MBNL3: variants seen among roughly 807,000 people sequenced by gnomAD.
MBNL3 encodes muscleblind-like protein 3.
In MBNL3, 6 loss-of-function variants were observed where a neutral mutation model predicts 24.5. The ratio of observed to expected loss-of-function variants is 0.25; its 90% CI spans 0.13 to 0.48. The LOEUF (loss-of-function observed/expected upper bound fraction) is 0.48, where lower values mean the gene tolerates loss of function less well. Ranked by LOEUF, MBNL3 falls within the 20% of genes least tolerant of loss-of-function variation. The pLI, the probability that MBNL3 is intolerant of heterozygous loss-of-function variation, is 0.99. For synonymous variants in MBNL3, 100 were observed against 101.7 expected, an observed-to-expected ratio of 0.98 and a Z score of 0.10; for missense variants, 230 against 293.5, an observed-to-expected ratio of 0.78 and a Z score of 1.58.
chrX:132,410,599 T>A (rs1157102619), intron 2 of MBNL3, among the ~76,000 whole-genome samples: 1 of 112,657 alleles, frequency 8.9e-6, no homozygotes, highest in Non-Finnish European at 1.9e-5. Context: ...AGTTAAATGT[T>A]AAATCAAGGC....
intron 3 of MBNL3, among the ~76,000 whole-genome samples, chrX:132,396,488 C>CCTATATATATTCATATATATTCA (rs1938552326): frequency 1.8e-5 from 1 of 56,642 alleles, no homozygotes; most frequent in Non-Finnish European, 3.0e-5. Flanking sequence ...ATATATATTC[C>CCTATATATATTCATATATATTCA]TATATATATT....
chrX:132,434,843 A>C (rs1366104417), intron 2 of MBNL3, among the ~76,000 whole-genome samples: 1 of 111,619 alleles, frequency 9.0e-6, no homozygotes, highest in African/African-American at 3.3e-5. Flanking sequence ...ACAGAAAAAT[A>C]ACATTAGGAA....
chrX:132,434,212 C>T (rs931769287), intron 2 of MBNL3, among the ~76,000 whole-genome samples: 2 of 112,187 alleles, frequency 1.8e-5, no homozygotes, highest in African/African-American at 6.5e-5. Context: ...ACACACATAT[C>T]ACATCACTTC....
rs181923191 is a variant in MBNL3 at position 132,466,399 on chromosome X, G to A, written c.-704+22452C>T. 8.3e-3 allele frequency among the ~76,000 whole-genome samples: 931 copies of A among 111,963 alleles called. 10 individuals carry two copies. The highest frequency in any genetic ancestry group is 0.012 in the Non-Finnish European group (657 of 53,180). On this transcript the variant is annotated intron_variant, in intron 1 of 8. Coordinates refer to ENST00000370853, the MANE Select transcript of MBNL3 (RefSeq NM_001386889.1). The stretch of plus-strand genomic sequence containing the variant: ...TATTTATTGGCCATGACTTCACTAT[G>A]CCTCTGCCTCTATTAATTCCCCCAC...
chrX:132,406,273 G>A lies in MBNL3; in HGVS notation c.297C>T (p.Ala99=), dbSNP rs1439716899. Residue 99 remains alanine, a synonymous_variant, in exon 3 of 9, where the codon GCC becomes GCT. Coordinates refer to ENST00000370853, the MANE Select transcript of MBNL3 (RefSeq NM_001386889.1). ...TTTGGAGCATAAGCTGCATCTGCTG[G>A]GCGAACATGGCTGCGGCAGTCTTCT... is the stretch of plus-strand genomic sequence containing the variant. ...IQQKTAAAMF[A]QQMQLMLQNA... The A allele has an allele frequency of 3.3e-6, 4 of 1,209,848 alleles. No homozygotes were observed. The highest frequency in any genetic ancestry group is 4.5e-6 in the Non-Finnish European group (4 of 895,133).
intron 1 of MBNL3, among the ~76,000 whole-genome samples, chrX:132,470,255 T>C (rs1180905267): frequency 1.8e-5 from 2 of 111,918 alleles, no homozygotes; most frequent in East Asian, 5.6e-4. Context: ...GAAAAATGTC[T>C]AATTCACTTA....
chrX:132,479,234 G>C (rs1001423480), intron 1 of MBNL3, among the ~76,000 whole-genome samples: 2 of 112,115 alleles, frequency 1.8e-5, no homozygotes, highest in Non-Finnish European at 3.8e-5. Flanking sequence ...GGGCGAAAGA[G>C]TGAGACTTCA....
intron 1 of MBNL3, among the ~76,000 whole-genome samples, chrX:132,470,580 C>G (rs1947127629): frequency 9.0e-6 from 1 of 111,728 alleles, no homozygotes; most frequent in African/African-American, 3.2e-5. Context: ...ACTAGCTCTG[C>G]TAAATAATAG....
intron 1 of MBNL3, among the ~76,000 whole-genome samples, chrX:132,444,935 T>G (rs1316522946): frequency 9.0e-6 from 1 of 111,698 alleles, no homozygotes; most frequent in African/African-American, 3.2e-5. Context: ...GCAAGGCCAC[T>G]GCCATCAGCT....
chrX:132,407,999 G>C (rs1198082834), intron 2 of MBNL3, among the ~76,000 whole-genome samples: 1 of 105,302 alleles, frequency 9.5e-6, no homozygotes, highest in Non-Finnish European at 1.9e-5. Flanking sequence ...TTTCCCTGGA[G>C]AGACTAAGTT....
intron 1 of MBNL3, among the ~76,000 whole-genome samples, chrX:132,471,019 G>C (rs1346847725): frequency 9.0e-6 from 1 of 110,960 alleles, no homozygotes; most frequent in Non-Finnish European, 1.9e-5. Context: ...TCCTCTCTCT[G>C]AGCCCCATGT....
At chrX:132,433,015 A>C (rs753694454) in intron 2 of MBNL3, among the ~76,000 whole-genome samples, 1 of 112,181 alleles carries the variant, frequency 8.9e-6, no homozygotes, top group South Asian at 3.7e-4. Flanking sequence ...TATACGTATC[A>C]GTAGAATCAA....
At chrX:132,392,003 T>C in intron 4 of MBNL3, 140 bp downstream of exon 4, 1 of 450,568 alleles carries the variant, frequency 2.2e-6, no homozygotes, top group Non-Finnish European at 3.7e-6. Flanking sequence ...ATGATTGCAG[T>C]ACTAAAATGT....
intron 1 of MBNL3, among the ~76,000 whole-genome samples, chrX:132,478,433 A>G (rs977658261): frequency 1.4e-4 from 16 of 112,090 alleles, no homozygotes; most frequent in African/African-American, 5.2e-4. Flanking sequence ...CAACAGCACT[A>G]GGTATGTTAT....
chrX:132,463,803 T>C (rs762948900), intron 1 of MBNL3, among the ~76,000 whole-genome samples: 8 of 112,567 alleles, frequency 7.1e-5, no homozygotes, highest in African/African-American at 2.3e-4. Flanking sequence ...ATCAATTGCA[T>C]AGCAATTCCT....
At chrX:132,429,258 G>A (rs1348465582) in intron 2 of MBNL3, among the ~76,000 whole-genome samples, 1 of 112,626 alleles carries the variant, frequency 8.9e-6, no homozygotes, top group Admixed American at 9.4e-5. Flanking sequence ...ATCTATGACA[G>A]GTTTCTTCCT....
chrX:132,479,563 G>A (rs975414084), intron 1 of MBNL3, among the ~76,000 whole-genome samples: 2 of 111,652 alleles, frequency 1.8e-5, no homozygotes, highest in African/African-American at 6.5e-5. Flanking sequence ...ATGAGTATAC[G>A]GTTTATTTGT....
chrX:132,397,359 A>C (rs1939974878), intron 3 of MBNL3, among the ~76,000 whole-genome samples: 1 of 111,322 alleles, frequency 9.0e-6, no homozygotes, highest in African/African-American at 3.3e-5. Flanking sequence ...TGTTATGCCA[A>C]ATCAATCTTT....
intron 2 of MBNL3, among the ~76,000 whole-genome samples, chrX:132,425,038 A>T (rs1472888739): frequency 8.9e-6 from 1 of 112,274 alleles, no homozygotes; most frequent in Non-Finnish European, 1.9e-5. Flanking sequence ...AGTCACAATT[A>T]TGGAAATCAT....
Sources: gnomAD v4.1 joint callset for allele counts (sites outside exome capture counted in the v4.1 genomes callset) on GRCh38, gnomAD v4.1.1 for gene constraint, MANE v1.5 for transcripts, NCBI Gene and HGNC (gene_info 2026-07-23, HGNC 2026-07-21) for gene names.